The following EPHA5 variants were observed in gnomAD, a reference collection of about 807,000 sequenced individuals.
The protein encoded by EPHA5 is EPH receptor A5.
Under a neutral mutation model 105.0 loss-of-function variants are expected in EPHA5, and 60 were observed. The observed-to-expected ratio is 0.57, with a 90% CI of 0.46 to 0.71. EPHA5 has a LOEUF of 0.71. Ranked by LOEUF, EPHA5 falls within the 30% of genes least tolerant of loss-of-function variation. The probability of loss-of-function intolerance (pLI) is 0.00; values close to 1 mark genes in which losing one functional copy is unlikely to be tolerated. For missense variants in EPHA5, 1,218 were observed against 1,274.7 expected (o/e 0.96, Z 0.68); for synonymous variants, 513 against 449.1 (o/e 1.14, Z -1.80).
chr4:65,576,000 GAGAAAGAA>G (rs1553943367), intron 3 of EPHA5, among the ~76,000 whole-genome samples: 26 of 29,722 alleles, frequency 8.7e-4, no homozygotes, highest in African/African-American at 2.2e-3. Context: ...GAGAGAGAGA[GAGAAAGAA>G]AGAAAGAAAG....
chr4:65,594,348 A>G (rs1437537608), intron 3 of EPHA5, among the ~76,000 whole-genome samples: 1 of 152,210 alleles, frequency 6.6e-6, no homozygotes, highest in Admixed American at 6.5e-5. Flanking sequence ...TTCTCCATCC[A>G]TATAACCATG....
intron 8 of EPHA5, among the ~76,000 whole-genome samples, chr4:65,381,865 T>C (rs1719597463): frequency 6.6e-6 from 1 of 151,780 alleles, no homozygotes; most frequent in East Asian, 1.9e-4. Context: ...GAAGGCAACC[T>C]TCTGCAAGGT....
chr4:65,417,337 T>C (rs548331250), intron 6 of EPHA5, among the ~76,000 whole-genome samples: 1 of 152,314 alleles, frequency 6.6e-6, no homozygotes, highest in East Asian at 1.9e-4. Context: ...TGAAAACCTA[T>C]CAGGACCCCT....
intron 5 of EPHA5, among the ~76,000 whole-genome samples, chr4:65,453,966 A>G (rs1235543991): frequency 1.1e-5 from 1 of 95,032 alleles, no homozygotes; most frequent in Non-Finnish European, 2.3e-5. Flanking sequence ...GCAGACCCCT[A>G]CGGATTTGCT....
At chr4:65,603,404 C>A (rs1743928958) in intron 2 of EPHA5, among the ~76,000 whole-genome samples, 1 of 151,864 alleles carries the variant, frequency 6.6e-6, no homozygotes, top group Non-Finnish European at 1.5e-5. Flanking sequence ...CACTGGAACA[C>A]AAAGAACAAT....
intron 5 of EPHA5, among the ~76,000 whole-genome samples, chr4:65,429,206 G>A (rs1403761866): frequency 6.6e-6 from 1 of 151,824 alleles, no homozygotes; most frequent in African/African-American, 2.4e-5. Context: ...CAGATAGCGT[G>A]GTGCATTTGG....
At chr4:65,529,430 T>TGC (rs946643872) in intron 3 of EPHA5, among the ~76,000 whole-genome samples, 3 of 152,054 alleles carry the variant, frequency 2.0e-5, no homozygotes, top group Non-Finnish European at 2.9e-5. Context: ...GCATATTATA[T>TGC]GCACACACAC....
intron 3 of EPHA5, among the ~76,000 whole-genome samples, chr4:65,592,214 G>T (rs1393622838): frequency 6.6e-6 from 1 of 152,056 alleles, no homozygotes; most frequent in African/African-American, 2.4e-5. Flanking sequence ...GTTATGTTTT[G>T]TTTTAACACA....
intron 3 of EPHA5, among the ~76,000 whole-genome samples, chr4:65,531,082 C>T: frequency 6.7e-6 from 1 of 150,168 alleles, no homozygotes; most frequent in Non-Finnish European, 1.5e-5. Flanking sequence ...CCAGGCCGGA[C>T]TGCGGACTGC....
At chr4:65,350,157 A>G (rs1251798885) in intron 13 of EPHA5, among the ~76,000 whole-genome samples, 2 of 152,098 alleles carry the variant, frequency 1.3e-5, no homozygotes, top group Non-Finnish European at 1.5e-5. Context: ...ATCAGGCAAA[A>G]TTTATTAAAG....
intron 2 of EPHA5, among the ~76,000 whole-genome samples, chr4:65,637,568 G>GTATATATATATA (rs1371408940): frequency 3.6e-5 from 1 of 27,820 alleles, no homozygotes. Context: ...TATGAGTTTT[G>GTATATATATATA]CATATATATA....
In EPHA5 at chr4:65,490,643, G is replaced by A. The variant is rs772108237; in HGVS notation, c.1136C>T (p.Pro379Leu). 17 of 1,613,914 alleles carry A rather than the reference G, an allele frequency of 1.1e-5. No homozygotes were observed. Among genetic ancestry groups the A allele is most frequent in the South Asian group, 2.2e-5 (2 of 91,080 alleles). The change falls in exon 5 of 17, where the codon CCG becomes CTG. Residue 379 changes from proline to leucine, a missense_variant. By Grantham distance (98) the Pro-to-Leu change is moderately conservative (BLOSUM62 -3). Transcript: ENST00000613740. ...NETSVFLEWI[P>L]PADTGGRKDV... ...TTTCCTTCCACCAGTGTCAGCAGGC[G>A]GAATCCATTCCAGAAAGACACTAGT...
At chr4:65,591,833 T>C (rs571952458) in intron 3 of EPHA5, among the ~76,000 whole-genome samples, 61 of 152,042 alleles carry the variant, frequency 4.0e-4, no homozygotes, top group Non-Finnish European at 8.1e-4. Context: ...TTCAGACAGC[T>C]TAACTAATAC....
chr4:65,402,898 A>G (rs1036334786), intron 8 of EPHA5, among the ~76,000 whole-genome samples: 2 of 152,190 alleles, frequency 1.3e-5, no homozygotes, highest in Non-Finnish European at 2.9e-5. Flanking sequence ...TCCAGAAAGC[A>G]GGGATATAGG....
chr4:65,640,101 T>C (rs1747504930), intron 2 of EPHA5, among the ~76,000 whole-genome samples: 1 of 152,098 alleles, frequency 6.6e-6, no homozygotes, highest in Non-Finnish European at 1.5e-5. Flanking sequence ...CTCATAGTTT[T>C]TTGTTATTGC....
chr4:65,516,035 GCAGATCTTGGGACTTCTCAGCCTT>G (rs1359425746), intron 3 of EPHA5, among the ~76,000 whole-genome samples: 1 of 152,100 alleles, frequency 6.6e-6, no homozygotes, highest in Admixed American at 6.6e-5. Context: ...CATGCTTACA[GCAGATCTTGGGACTTCTCAGCCTT>G]CATCATCACA....
intron 2 of EPHA5, among the ~76,000 whole-genome samples, chr4:65,642,864 T>C: frequency 6.6e-6 from 1 of 151,978 alleles, no homozygotes; most frequent in East Asian, 1.9e-4. Context: ...TCTTTTTTTA[T>C]CTCAATGTCA....
intron 16 of EPHA5, 21 bp from the exon 17 acceptor site, chr4:65,324,240 T>C (rs368283577): frequency 3.3e-6 from 5 of 1,537,754 alleles, no homozygotes; most frequent in East Asian, 2.3e-5. Flanking sequence ...AAAGCACACA[T>C]TGGATGTATT....
At chr4:65,607,124 C>G (rs1368771588) in intron 2 of EPHA5, among the ~76,000 whole-genome samples, 1 of 151,948 alleles carries the variant, frequency 6.6e-6, no homozygotes, top group Non-Finnish European at 1.5e-5. Flanking sequence ...GTTTCACACA[C>G]TAAGTTTTGC....
Sources: gnomAD v4.1 joint callset for allele counts (sites outside exome capture counted in the v4.1 genomes callset) on GRCh38, gnomAD v4.1.1 for gene constraint, MANE v1.5 for transcripts, NCBI Gene and HGNC (gene_info 2026-07-23, HGNC 2026-07-21) for gene names.